The following CEP68 variants were observed in gnomAD, a reference collection of about 807,000 sequenced individuals.
The protein encoded by CEP68 is centrosomal protein of 68 kDa.
Under a neutral mutation model 55.3 loss-of-function variants are expected in CEP68, and 26 were observed. That is an observed-to-expected ratio of 0.47 (90% CI 0.34 to 0.65). The LOEUF (loss-of-function observed/expected upper bound fraction) is 0.65, where lower values mean the gene tolerates loss of function less well. Ranked by LOEUF, CEP68 falls within the 30% of genes least tolerant of loss-of-function variation. The pLI, the probability that CEP68 is intolerant of heterozygous loss-of-function variation, is 0.01. For synonymous variants in CEP68, 402 were observed against 383.2 expected, an observed-to-expected ratio of 1.05 and a Z score of -0.57; for missense variants, 957 against 946.7, an observed-to-expected ratio of 1.01 and a Z score of -0.14.
In CEP68 at chr2:65,069,380, C is replaced by G; in HGVS notation, c.-46-19C>G. The G allele has an allele frequency of 8.2e-7, 1 of 1,221,278 alleles. No homozygotes were observed. The highest frequency in any genetic ancestry group is 2.4e-5 in the East Asian group (1 of 42,300). 75.7% of individuals were successfully genotyped at this position (1,221,278 alleles called of 1,614,324 possible). A position where few individuals can be genotyped will look rare whatever the true frequency, so the allele number is the denominator to read the frequency against. ...ATGTAGAAGATTTATATTTTTCTCT[C>G]CCTTCCCCTGTTTTGTAGGAAGCTG... On this transcript the variant is annotated intron_variant, in intron 1 of 6. Transcript: ENST00000377990.
Position 65,070,354 on chromosome 2 carries a change from AC to A in CEP68, c.357+555del, listed in dbSNP as rs775994324. 7.9e-5 allele frequency among the ~76,000 whole-genome samples: 12 copies of A among 152,290 alleles called. No individual in the cohort carries two copies. In the South Asian group the frequency reaches 2.5e-3, roughly 32 times the overall value. On this transcript the variant is annotated intron_variant, in intron 2 of 6. Coordinates refer to ENST00000377990, the MANE Select transcript of CEP68 (RefSeq NM_015147.3). ...GGAGTCACATGGGGCAGGGAATCCT[AC>A]CAGGTTCTGTGACTGCAGGCAAATC...
chr2:65,061,488 C>T (rs1675913245), intron 1 of CEP68, among the ~76,000 whole-genome samples: 1 of 152,268 alleles, frequency 6.6e-6, no homozygotes, highest in Non-Finnish European at 1.5e-5. Context: ...ATGGCCTCGG[C>T]CCATGGCCAA....
intron 4 of CEP68, among the ~76,000 whole-genome samples, chr2:65,077,356 G>C (rs562957050): frequency 2.6e-5 from 4 of 152,312 alleles, no homozygotes; most frequent in African/African-American, 7.2e-5. Context: ...GTAGCCAAGA[G>C]GGGAAAGCAA....
At position 65,072,837 on chromosome 2, in the gene CEP68, G is replaced by A. The variant is rs374865357; in HGVS notation, c.1741G>A (p.Gly581Arg). Residue 581 changes from glycine to arginine, a missense_variant, in exon 3 of 7, where the codon GGG becomes AGG. Coordinates refer to ENST00000377990, the MANE Select transcript of CEP68 (RefSeq NM_015147.3). ...EGSLGSSQAL[G>R]VSSGLLKTRP... ...CAGTCTGGGGAGCAGCCAGGCCCTC[G>A]GGGTCTCCTCTGGACTGCTGAAAAC... The A allele has an allele frequency of 4.6e-5, 75 of 1,614,066 alleles. 2 individuals are homozygous for A. The East Asian group carries it at 6.2e-4, about 13-fold the overall frequency.
rs553694832 is a variant in CEP68 at position 65,082,054 on chromosome 2, A to G, written c.2105-482A>G. Among the ~76,000 whole-genome samples, 41 of 152,312 alleles carry G rather than the reference A, an allele frequency of 2.7e-4. No homozygotes were observed. In the Middle Eastern group the frequency reaches 0.01, roughly 38 times the overall value. On this transcript the variant is annotated intron_variant, in intron 5 of 6. Coordinates refer to ENST00000377990, the MANE Select transcript of CEP68 (RefSeq NM_015147.3). ...GAGGCCCACAAAACAAAGGGTCTCA[A>G]GCACTCCCAAATCTATTACAGACCA...
intron 1 of CEP68, among the ~76,000 whole-genome samples, chr2:65,063,466 C>T (rs1043449681): frequency 1.3e-5 from 2 of 152,176 alleles, no homozygotes; most frequent in African/African-American, 2.4e-5. Flanking sequence ...ATGTGTGATC[C>T]GAGAACGGGA....
rs145766812 is a variant in CEP68 at position 65,072,146 on chromosome 2, T to A, written c.1050T>A (p.Pro350=). ...SVSPASTLKS[P]TNVSPNCPPA... ...CTCCAGCAAGCACCCTCAAATCACC[T>A]ACTAATGTCTCCCCCAACTGCCCAC... The change falls in exon 3 of 7, where the codon CCT becomes CCA. Residue 350 remains proline (P), a synonymous_variant. Coordinates refer to ENST00000377990, the MANE Select transcript of CEP68 (RefSeq NM_015147.3). The A allele has an allele frequency of 1.9e-6, 3 of 1,614,008 alleles. 1 individual carries two copies. The Middle Eastern group carries it at 4.9e-4, about 266-fold the overall frequency.
At chr2:65,073,105 G>T (rs1467483149) in intron 3 of CEP68, 125 bp downstream of exon 3, 2 of 1,032,984 alleles carry the variant, frequency 1.9e-6, no homozygotes, top group Non-Finnish European at 3.0e-6. Flanking sequence ...GCATTGTGCT[G>T]TACCTTATCT....
chr2:65,071,683 G>GCTTCTC lies in CEP68; in HGVS notation c.588_589insTTCTCC (p.Cys196_Ser197insPheSer). ...GGTTCCGCAGCTCAGCCTTCCAGCT[G>GCTTCTC]CAGCATCTCTGCTTCCTCCACAGGC... On this transcript the variant is annotated inframe_insertion, in exon 3 of 7. Coordinates refer to ENST00000377990, the MANE Select transcript of CEP68 (RefSeq NM_015147.3). 6.2e-7 allele frequency: 1 copy of GCTTCTC among 1,614,172 alleles called. No homozygotes were observed. The highest frequency in any genetic ancestry group is 1.1e-5 in the South Asian group (1 of 91,088).
rs1668978876 is a variant in CEP68 at position 65,084,745 on chromosome 2, TA to T, written c.*1112del. 6.6e-6 allele frequency: 1 copy of T among 152,236 alleles called. No homozygotes were observed. Among genetic ancestry groups the T allele is most frequent in the Non-Finnish European group, 1.5e-5 (1 of 68,024 alleles). The allele number at this position is 152,236 out of a possible 1,614,324, so 9.4% of individuals were successfully genotyped here. A position where few individuals can be genotyped will look rare whatever the true frequency, so the allele number is the denominator to read the frequency against. ...CTGCTTCAGAATTTCTGAGACTTTA[TA>T]GTCACTGGAAAATAGCCATTAAATT... On this transcript the variant is annotated 3_prime_UTR_variant, in exon 7 of 7. Coordinates refer to ENST00000377990, the MANE Select transcript of CEP68 (RefSeq NM_015147.3).
chr2:65,072,407 G>C lies in CEP68; in HGVS notation c.1311G>C (p.Gln437His). 1 of 1,613,962 alleles carries C rather than the reference G, an allele frequency of 6.2e-7. No homozygotes were observed. Among genetic ancestry groups the C allele is most frequent in the Non-Finnish European group, 8.5e-7 (1 of 1,180,028 alleles). ...AGCACCTTGATATGGGCTCTCCCCA[G>C]CTAAGGACACGGGACAGAGGGTGGC... ...IGKHLDMGSP[Q>H]LRTRDRGWPS... The change falls in exon 3 of 7, where the codon CAG (glutamine) becomes CAC (histidine). Residue 437 changes from glutamine to histidine, a missense_variant. Gln to His is a conservative substitution (Grantham distance 24). Transcript: ENST00000377990.
At chr2:65,062,709 C>T (rs545534442) in intron 1 of CEP68, among the ~76,000 whole-genome samples, 3 of 151,936 alleles carry the variant, frequency 2.0e-5, no homozygotes, top group East Asian at 1.9e-4. Context: ...TGGTGGTGCA[C>T]GCCTGTAATC....
rs777440099 is a variant in CEP68 at position 65,072,807 on chromosome 2, G to A, written c.1711G>A (p.Glu571Lys). 10 of 1,614,186 alleles carry A rather than the reference G, an allele frequency of 6.2e-6. No individual in the cohort carries two copies. The highest frequency in any genetic ancestry group is 8.5e-6 in the Non-Finnish European group (10 of 1,180,034). The change falls in exon 3 of 7, where the codon GAA becomes AAA. Residue 571 changes from glutamate (E) to lysine (K), a missense_variant. By Grantham distance (56) the Glu-to-Lys change is moderately conservative. Coordinates refer to ENST00000377990, the MANE Select transcript of CEP68 (RefSeq NM_015147.3). ...CGTCCGTGCCCACGACTCCGCAGGG[G>A]AAGGCAGTCTGGGGAGCAGCCAGGC... is the stretch of plus-strand genomic sequence containing the variant. ...SFVRAHDSAG[E>K]GSLGSSQALG...
rs545186679 is a variant in CEP68, at chr2:65,082,454, G to T, written c.2105-82G>T. 30 of 1,292,468 alleles carry T rather than the reference G, an allele frequency of 2.3e-5. No homozygotes were observed. In the South Asian group the frequency reaches 4.3e-4, roughly 19 times the overall value. 80.1% of individuals were successfully genotyped at this position (1,292,468 alleles called of 1,614,324 possible). A position where few individuals can be genotyped will look rare whatever the true frequency, so the allele number is the denominator to read the frequency against. On this transcript the variant is annotated intron_variant, in intron 5 of 6. Transcript: ENST00000377990. The stretch of plus-strand genomic sequence containing the variant: ...ACTTTGTGTAAAATACTATACCCTT[G>T]TATGTTCTTTTGAAAATGCTTACTG...
At position 65,072,374 on chromosome 2, in the gene CEP68, T is replaced by C. The variant is rs1249193226; in HGVS notation, c.1278T>C (p.Thr426=). The C allele has an allele frequency of 1.2e-6, 2 of 1,613,858 alleles. No individual in the cohort carries two copies. The highest frequency in any genetic ancestry group is 1.7e-5 in the Admixed American group (1 of 60,016). The change falls in exon 3 of 7, where the codon ACT becomes ACC. Residue 426 remains threonine (T), a synonymous_variant. Coordinates refer to ENST00000377990, the MANE Select transcript of CEP68 (RefSeq NM_015147.3). Reference sequence around the variant, plus strand: ...TGAGGGGTGCGAAGGACCGGCTGACTATAGGCAAGCACCTTGATATGGGCT... The same window carrying C: ...TGAGGGGTGCGAAGGACCGGCTGACCATAGGCAAGCACCTTGATATGGGCT... ...PALRGAKDRL[T]IGKHLDMGSP...
chr2:65,081,779 C>T (rs113359765), intron 5 of CEP68, among the ~76,000 whole-genome samples: 15,719 of 152,242 alleles, frequency 0.1, 1,107 homozygotes, highest in South Asian at 0.2. Context: ...CTCACCACAA[C>T]CTCTGCCTCC....
chr2:65,078,023 AG>A (rs1676842099), intron 5 of CEP68, 59 bp downstream of exon 5: 1 of 1,318,802 alleles, frequency 7.6e-7, no homozygotes, highest in Admixed American at 1.8e-5. Context: ...CAGCAGGCCC[AG>A]GGACCGCACT....
At position 65,085,148 on chromosome 2, in the gene CEP68, C is replaced by T. The variant is rs1289280989; in HGVS notation, c.*1514C>T. On this transcript the variant is annotated 3_prime_UTR_variant, in exon 7 of 7. Coordinates refer to ENST00000377990, the MANE Select transcript of CEP68 (RefSeq NM_015147.3). Reference sequence around the variant, plus strand: ...CTGAATAGCCCTTAGGAAATTAAACCCATTTATTTACTAATATTTGACAGG... The same window carrying T: ...CTGAATAGCCCTTAGGAAATTAAACTCATTTATTTACTAATATTTGACAGG... 3 of 152,004 alleles carry T rather than the reference C, an allele frequency of 2.0e-5. No homozygotes were observed. The highest frequency in any genetic ancestry group is 4.4e-5 in the Non-Finnish European group (3 of 68,006). 9.4% of individuals were successfully genotyped at this position (152,004 alleles called of 1,614,324 possible).
Position 65,074,302 on chromosome 2 carries a change from A to G in CEP68, c.1905A>G (p.Glu635=). 1 of 1,613,980 alleles carries G rather than the reference A, an allele frequency of 6.2e-7. No homozygotes were observed. Among genetic ancestry groups the G allele is most frequent in the South Asian group, 1.1e-5 (1 of 91,084 alleles). The change falls in exon 4 of 7, where the codon GAA becomes GAG. Residue 635 remains glutamate (E), a synonymous_variant. Coordinates refer to ENST00000377990, the MANE Select transcript of CEP68 (RefSeq NM_015147.3). ...QCVKTFCCQL[E]ELICWLYNVA... is the part of the protein sequence containing the mutation. ...TGCAGACATTTTGCTGTCAGCTGGA[A>G]GAGCTGATCTGCTGGCTGTATAATG...
Sources: allele counts gnomAD v4.1 joint callset (sites outside exome capture counted in the v4.1 genomes callset), GRCh38; gene constraint gnomAD v4.1.1; transcripts MANE v1.5; gene names NCBI Gene and HGNC (gene_info 2026-07-23, HGNC 2026-07-21).